Variants in NEK5 observed in about 807,000 individuals in gnomAD.
NEK5 encodes the protein NIMA related kinase 5.
Under a neutral mutation model 109.2 loss-of-function variants are expected in NEK5, and 88 were observed. The ratio of observed to expected loss-of-function variants is 0.81; its 90% confidence interval spans 0.68 to 0.96. The LOEUF (loss-of-function observed/expected upper bound fraction) is 0.96. Ranked by LOEUF, NEK5 falls within the 40% of genes least tolerant of loss-of-function variation. The pLI, the probability that NEK5 is intolerant of heterozygous loss-of-function variation, is 0.00. For missense variants in NEK5, 834 were observed against 920.7 expected, an observed-to-expected ratio of 0.91 and a Z score of 1.22; for synonymous variants, 283 against 299.9, an observed-to-expected ratio of 0.94 and a Z score of 0.58.
rs568612428 is a variant in NEK5, at chr13:52,079,570, G to A, written c.1573-3427C>T. On this transcript the variant is annotated intron_variant, in intron 17 of 23. Transcript: ENST00000684899. Reference sequence around the variant, plus strand: ...GCCAGCCTCAGCCTCCCGAGGTGCCGGGATTGCAGACGGAGTCTGGTTCAC... The same window carrying A: ...GCCAGCCTCAGCCTCCCGAGGTGCCAGGATTGCAGACGGAGTCTGGTTCAC... Among the ~76,000 whole-genome samples, 515 of 152,394 alleles carry A rather than the reference G, an allele frequency of 3.4e-3. 1 individual carries two copies. The highest frequency in any genetic ancestry group is 0.011 in the African/African-American group (463 of 41,592).
intron 3 of NEK5, among the ~76,000 whole-genome samples, chr13:52,124,130 TAA>T (rs1227788133): frequency 6.6e-6 from 1 of 152,130 alleles, no homozygotes; most frequent in Non-Finnish European, 1.5e-5. Context: ...ATCCTGTCTC[TAA>T]AAACAATTTC....
At chr13:52,090,027 A>G (rs1955245531) in intron 13 of NEK5, among the ~76,000 whole-genome samples, 1 of 152,182 alleles carries the variant, frequency 6.6e-6, no homozygotes. Flanking sequence ...TTCCTGCACC[A>G]CATACTGAGC....
chr13:52,124,391 AATAT>A (rs1205198910), intron 3 of NEK5, among the ~76,000 whole-genome samples: 1 of 152,178 alleles, frequency 6.6e-6, no homozygotes, highest in Admixed American at 6.5e-5. Flanking sequence ...ATATATGGAG[AATAT>A]ATATATTTTT....
intron 4 of NEK5, 65 bp from the exon 5 acceptor site, chr13:52,112,430 GTGGA>G: frequency 1.9e-6 from 2 of 1,063,972 alleles, no homozygotes; most frequent in Non-Finnish European, 2.9e-6. Context: ...TGTTCTGGCT[GTGGA>G]ATCAAGATGG....
chr13:52,078,894 C>T (rs1954917933), intron 17 of NEK5, among the ~76,000 whole-genome samples: 1 of 152,162 alleles, frequency 6.6e-6, no homozygotes, highest in Admixed American at 6.5e-5. Flanking sequence ...TTGAGATGAC[C>T]AGACTATCCA....
intron 3 of NEK5, 56 bp downstream of exon 3, chr13:52,127,310 T>TA (rs1956083022): frequency 9.7e-6 from 9 of 926,616 alleles, no homozygotes; most frequent in Non-Finnish European, 1.6e-5. Context: ...TATATTGGAT[T>TA]AAAAGCCAGC....
intron 23 of NEK5, among the ~76,000 whole-genome samples, chr13:52,049,445 T>G (rs1222634453): frequency 6.6e-6 from 1 of 151,808 alleles, no homozygotes; most frequent in Non-Finnish European, 1.5e-5. Flanking sequence ...ATAATAATAA[T>G]AATTTTAAAA....
chr13:52,121,754 T>C (rs1332455124), intron 3 of NEK5, among the ~76,000 whole-genome samples: 2 of 152,198 alleles, frequency 1.3e-5, no homozygotes, highest in Non-Finnish European at 2.9e-5. Context: ...CTGTTGTTAA[T>C]AGTTAGAGCT....
chr13:52,073,873 C>T (rs1337643382), intron 19 of NEK5, among the ~76,000 whole-genome samples: 1 of 152,044 alleles, frequency 6.6e-6, no homozygotes, highest in Non-Finnish European at 1.5e-5. Context: ...ATCCCATTTA[C>T]AATAGCCACC....
chr13:52,057,477 C>T (rs1383514675), intron 22 of NEK5, among the ~76,000 whole-genome samples: 1 of 152,036 alleles, frequency 6.6e-6, no homozygotes, highest in Non-Finnish European at 1.5e-5. Flanking sequence ...ATACCAAAGC[C>T]TGGCAGAGAC....
intron 14 of NEK5, among the ~76,000 whole-genome samples, chr13:52,088,857 T>G (rs1329673311): frequency 1.3e-5 from 2 of 151,236 alleles, no homozygotes; most frequent in African/African-American, 4.9e-5. Context: ...TTGGGAGGCC[T>G]AGGTGGGTGG....
intron 20 of NEK5, among the ~76,000 whole-genome samples, chr13:52,066,989 C>G (rs972172470): frequency 3.3e-5 from 5 of 152,102 alleles, no homozygotes; most frequent in African/African-American, 4.8e-5. Context: ...TTTCTTTTCA[C>G]GCTGACTTGT....
intron 3 of NEK5, 21 bp downstream of exon 3, chr13:52,127,345 G>T (rs752003124): frequency 5.9e-6 from 7 of 1,179,290 alleles, no homozygotes; most frequent in South Asian, 1.2e-5. Flanking sequence ...AAAATTAACA[G>T]AAATTTGAAC....
chr13:52,088,373 G>A (rs1955200832), intron 14 of NEK5, among the ~76,000 whole-genome samples: 1 of 151,974 alleles, frequency 6.6e-6, no homozygotes, highest in South Asian at 2.1e-4. Context: ...TCCTGCCTCA[G>A]CCTCCCAAGT....
At chr13:52,081,018 A>C (rs1044227855) in intron 17 of NEK5, among the ~76,000 whole-genome samples, 1 of 151,688 alleles carries the variant, frequency 6.6e-6, no homozygotes, top group Middle Eastern at 3.4e-3. Flanking sequence ...TGAGACATTT[A>C]GAGCTTTGGG....
chr13:52,083,040 G>A (rs1018118252), intron 17 of NEK5, among the ~76,000 whole-genome samples: 6 of 152,122 alleles, frequency 3.9e-5, no homozygotes, highest in Admixed American at 1.3e-4. Context: ...CCAGCTACTC[G>A]GGAGCCTGAA....
intron 19 of NEK5, among the ~76,000 whole-genome samples, chr13:52,073,485 T>A (rs980274859): frequency 6.6e-6 from 1 of 151,960 alleles, no homozygotes; most frequent in African/African-American, 2.4e-5. Context: ...CCAGCTAATT[T>A]TTTGTATTTT....
Position 52,087,521 on chromosome 13 carries a change from T to C in NEK5, c.1276-67A>G, listed in dbSNP as rs1387387263. On this transcript the variant is annotated intron_variant, in intron 14 of 23. Coordinates refer to ENST00000684899, the MANE Select transcript of NEK5 (RefSeq NM_001365552.1). ...TCGGAAACATCTTCTGATTTGACAT[T>C]GACTTTTTCCTATAAATAAGAATTA... 9 of 816,992 alleles carry C rather than the reference T, an allele frequency of 1.1e-5. No homozygotes were observed. The East Asian group carries it at 2.2e-4, about 20-fold the overall frequency. 50.6% of individuals were successfully genotyped at this position (816,992 alleles called of 1,614,324 possible). A position where few individuals can be genotyped will look rare whatever the true frequency, so the allele number is the denominator to read the frequency against.
intron 9 of NEK5, among the ~76,000 whole-genome samples, chr13:52,102,992 T>A (rs1178833004): frequency 6.6e-6 from 1 of 152,232 alleles, no homozygotes; most frequent in African/African-American, 2.4e-5. Context: ...CATATTGATA[T>A]GAAATTTTAT....
Sources: gnomAD v4.1 joint callset for allele counts (sites outside exome capture counted in the v4.1 genomes callset) on GRCh38, gnomAD v4.1.1 for gene constraint, MANE v1.5 for transcripts, NCBI Gene and HGNC (gene_info 2026-07-23, HGNC 2026-07-21) for gene names.